SLC39A8: variants seen among roughly 807,000 people sequenced by gnomAD.
SLC39A8 encodes metal cation symporter ZIP8.
A neutral mutation model predicts 40.4 loss-of-function variants in SLC39A8; 15 were observed. The ratio of observed to expected loss-of-function variants is 0.37; its 90% CI spans 0.25 to 0.57. SLC39A8 has a LOEUF of 0.57. Among genes scored for constraint, SLC39A8 ranks in the 20% least tolerant of loss-of-function variants. The pLI is 0.75. For synonymous variants in SLC39A8, 223 were observed against 221.6 expected, an observed-to-expected ratio of 1.01 and a Z score of -0.06; for missense variants, 472 against 558.8, an observed-to-expected ratio of 0.84 and a Z score of 1.57.
At chr4:102,286,529 T>C (rs1304079338) in intron 6 of SLC39A8, among the ~76,000 whole-genome samples, 1 of 148,666 alleles carries the variant, frequency 6.7e-6, no homozygotes, top group African/African-American at 2.5e-5. Flanking sequence ...CAAACTGGGC[T>C]CTCCAGCATC....
intron 6 of SLC39A8, among the ~76,000 whole-genome samples, chr4:102,292,205 A>C (rs173048): frequency 0.29 from 44,797 of 151,944 alleles, 6,807 homozygotes; most frequent in South Asian, 0.35. Flanking sequence ...ATGCTTTCAC[A>C]ACAAAACAAA....
At chr4:102,286,277 A>G (rs1733175838) in intron 6 of SLC39A8, among the ~76,000 whole-genome samples, 1 of 152,172 alleles carries the variant, frequency 6.6e-6, no homozygotes, top group Non-Finnish European at 1.5e-5. Flanking sequence ...TCATTTTTCA[A>G]GAGAAAAATG....
intron 2 of SLC39A8, among the ~76,000 whole-genome samples, chr4:102,332,512 C>A (rs1371421614): frequency 6.6e-6 from 1 of 152,184 alleles, no homozygotes; most frequent in Non-Finnish European, 1.5e-5. Context: ...GGTCAGGGAA[C>A]AACAGATGCT....
chr4:102,291,802 A>C (rs182157711), intron 6 of SLC39A8, among the ~76,000 whole-genome samples: 1 of 151,982 alleles, frequency 6.6e-6, no homozygotes, highest in African/African-American at 2.4e-5. Context: ...TCAAAATTCA[A>C]TCCATCAACA....
At chr4:102,320,237 AT>A (rs2149044057) in intron 2 of SLC39A8, among the ~76,000 whole-genome samples, 2 of 138,426 alleles carry the variant, frequency 1.4e-5, no homozygotes, top group South Asian at 4.5e-4. Context: ...GAGTATATAT[AT>A]ATGAGAATAT....
downstream of SLC39A8, among the ~76,000 whole-genome samples, chr4:102,261,072 A>G (rs1731834868): frequency 6.6e-6 from 1 of 152,232 alleles, no homozygotes; most frequent in Non-Finnish European, 1.5e-5. Flanking sequence ...AGACATTGCC[A>G]CCCACAGTTG....
chr4:102,274,299 AAGCATAC>A (rs1227759694), intron 6 of SLC39A8, among the ~76,000 whole-genome samples: 2 of 152,260 alleles, frequency 1.3e-5, no homozygotes, highest in African/African-American at 2.4e-5. Flanking sequence ...GAACTTCGTG[AAGCATAC>A]ACAAGTATCA....
intron 8 of SLC39A8, among the ~76,000 whole-genome samples, chr4:102,263,494 T>G (rs962500497): frequency 1.3e-5 from 2 of 152,212 alleles, no homozygotes; most frequent in Non-Finnish European, 2.9e-5. Context: ...ATTCGAGCTT[T>G]GGGTGAGTTG....
At chr4:102,282,220 C>T (rs1732918052) in intron 6 of SLC39A8, among the ~76,000 whole-genome samples, 1 of 152,128 alleles carries the variant, frequency 6.6e-6, no homozygotes, top group African/African-American at 2.4e-5. Context: ...TCCTGTTCAC[C>T]CAGAATGTAG....
chr4:102,333,648 T>C (rs189212378), intron 2 of SLC39A8, among the ~76,000 whole-genome samples: 79 of 152,258 alleles, frequency 5.2e-4, no homozygotes, highest in African/African-American at 1.8e-3. Flanking sequence ...TTTAGACCTG[T>C]TGAGTTGGGG....
chr4:102,287,722 A>C (rs921148274), intron 6 of SLC39A8, among the ~76,000 whole-genome samples: 1 of 152,182 alleles, frequency 6.6e-6, no homozygotes, highest in African/African-American at 2.4e-5. Context: ...CACAAAAATA[A>C]ATGTATACTT....
At chr4:102,318,765 T>C (rs1734769126) in intron 2 of SLC39A8, among the ~76,000 whole-genome samples, 3 of 152,172 alleles carry the variant, frequency 2.0e-5, no homozygotes, top group African/African-American at 7.2e-5. Flanking sequence ...CAGAAAACTA[T>C]TCAGGATGAT....
intron 2 of SLC39A8, among the ~76,000 whole-genome samples, chr4:102,335,561 T>C (rs1222411940): frequency 1.3e-5 from 2 of 152,196 alleles, no homozygotes; most frequent in Non-Finnish European, 2.9e-5. Flanking sequence ...GGAAGTATTA[T>C]ATGGTTCCCC....
intron 2 of SLC39A8, among the ~76,000 whole-genome samples, chr4:102,342,157 T>C (rs191512791): frequency 1.3e-5 from 2 of 152,346 alleles, no homozygotes; most frequent in African/African-American, 2.4e-5. Flanking sequence ...TTTAGATTGG[T>C]ATTTCATTTG....
intron 6 of SLC39A8, among the ~76,000 whole-genome samples, chr4:102,299,107 G>A (rs951824045): frequency 6.6e-6 from 1 of 151,880 alleles, no homozygotes; most frequent in African/African-American, 2.4e-5. Flanking sequence ...GGGGTGTTAT[G>A]TCAAATATTC....
In SLC39A8 at chr4:102,262,014, G is replaced by C; in HGVS notation, c.*1030C>G. On this transcript the variant is annotated 3_prime_UTR_variant, in exon 9 of 9. Transcript: ENST00000356736. The stretch of plus-strand genomic sequence containing the variant: ...AATTTTTTTCAAGGTATACCATATG[G>C]AAAAGTATAGGCTGAACACAAAGGA... 1 of 985,708 alleles carries C rather than the reference G, an allele frequency of 1.0e-6. No individual in the cohort carries two copies. The highest frequency in any genetic ancestry group is 1.1e-4 in the East Asian group (1 of 8,956). The allele number at this position is 985,708 out of a possible 1,614,324, so 61.1% of individuals were successfully genotyped here. A position where few individuals can be genotyped will look rare whatever the true frequency, so the allele number is the denominator to read the frequency against.
chr4:102,251,268 C>G (rs1253783878), exon 12 of SLC39A8: 2 of 152,078 alleles, frequency 1.3e-5, no homozygotes, highest in Non-Finnish European at 2.9e-5. Context: ...TTATTGTTAG[C>G]TATAGCCATC....
chr4:102,301,059 C>T (rs756786211), intron 6 of SLC39A8, among the ~76,000 whole-genome samples: 1 of 152,034 alleles, frequency 6.6e-6, no homozygotes, highest in Non-Finnish European at 1.5e-5. Flanking sequence ...AGGCCTGGTG[C>T]AGGGCTGTCA....
Position 102,262,431 on chromosome 4 carries a change from T to C in SLC39A8, c.*613A>G, listed in dbSNP as rs1483875816. 1.0e-6 allele frequency: 1 copy of C among 985,410 alleles called. No individual in the cohort carries two copies. Among genetic ancestry groups the C allele is most frequent in the East Asian group, 1.1e-4 (1 of 8,950 alleles). The allele number at this position is 985,410 out of a possible 1,614,324, so 61.0% of individuals were successfully genotyped here. A position where few individuals can be genotyped will look rare whatever the true frequency, so the allele number is the denominator to read the frequency against. On this transcript the variant is annotated 3_prime_UTR_variant, in exon 9 of 9. Coordinates refer to ENST00000356736, the MANE Select transcript of SLC39A8 (RefSeq NM_001135146.2). ...GCAGGGCTAGCAAAACTTTATTTAT[T>C]TCCTAACTCCTATTATTTTAGAATG...
Sources: gnomAD v4.1 joint callset for allele counts (sites outside exome capture counted in the v4.1 genomes callset) on GRCh38, gnomAD v4.1.1 for gene constraint, MANE v1.5 for transcripts, NCBI Gene and HGNC (gene_info 2026-07-23, HGNC 2026-07-21) for gene names.